TRAPPC8: variants seen among roughly 807,000 people sequenced by gnomAD.
The protein encoded by TRAPPC8 is general sporulation gene 1 homolog.
TRAPPC8 carries 54 observed loss-of-function variants against 174.3 expected under a neutral mutation model. That is an observed-to-expected ratio of 0.31 (90% CI 0.25 to 0.39). The LOEUF (loss-of-function observed/expected upper bound fraction) is 0.39. Ranked by LOEUF, TRAPPC8 falls within the 10% of genes least tolerant of loss-of-function variation. The probability of loss-of-function intolerance (pLI) is 1.00; values close to 1 mark genes in which losing one functional copy is unlikely to be tolerated. For synonymous variants in TRAPPC8, 630 were observed against 579.9 expected (o/e 1.09, Z -1.24); for missense variants, 1,531 against 1,699.1 (o/e 0.90, Z 1.74).
chr18:31,864,671 G>C lies in TRAPPC8; in HGVS notation c.2701C>G (p.Arg901Gly). 1 of 1,612,686 alleles carries C rather than the reference G, an allele frequency of 6.2e-7. No homozygotes were observed. The change falls in exon 19 of 29, where the codon CGA becomes GGA. Residue 901 changes from arginine to glycine, a missense_variant. Arg to Gly is a moderately radical substitution (Grantham distance 125). Transcript: ENST00000283351. Reference protein sequence around the residue: ...EKTSVKYGPDRRLDPIITEEM... With the variant: ...EKTSVKYGPDGRLDPIITEEM... ...TCTGTGATTATGGGATCTAAACGTC[G>C]ATCAGGGCCATATTTAACAGATGTT...
intron 20 of TRAPPC8, 40 bp downstream of exon 20, chr18:31,857,500 G>C: frequency 6.8e-7 from 1 of 1,472,620 alleles, no homozygotes; most frequent in South Asian, 1.4e-5. Context: ...CATATACATT[G>C]AACATAGATG....
chr18:31,902,713 G>A (rs2036486261), intron 9 of TRAPPC8, among the ~76,000 whole-genome samples: 1 of 152,048 alleles, frequency 6.6e-6, no homozygotes, highest in Non-Finnish European at 1.5e-5. Context: ...TGCACAGCTG[G>A]GGCTTTTCTC....
intron 2 of TRAPPC8, among the ~76,000 whole-genome samples, chr18:31,927,139 G>T (rs1007631028): frequency 2.4e-4 from 37 of 151,992 alleles, no homozygotes; most frequent in African/African-American, 8.9e-4. Flanking sequence ...GCAGGGTCTT[G>T]CTCTGTCACC....
intron 26 of TRAPPC8, among the ~76,000 whole-genome samples, chr18:31,843,566 A>G (rs997028658): frequency 5.9e-5 from 9 of 152,208 alleles, no homozygotes; most frequent in Non-Finnish European, 1.3e-4. Context: ...ATTTGTGTGC[A>G]AACTATTAGT....
Position 31,873,444 on chromosome 18 carries a change from C to T in TRAPPC8, c.2048G>A (p.Arg683Lys). The T allele has an allele frequency of 6.2e-7, 1 of 1,612,516 alleles. No individual in the cohort carries two copies. The highest frequency in any genetic ancestry group is 8.5e-7 in the Non-Finnish European group (1 of 1,179,284). The change falls in exon 14 of 29, where the codon AGA becomes AAA. Residue 683 changes from arginine (R) to lysine (K), a missense_variant. Arg to Lys is a conservative substitution (Grantham distance 26). Coordinates refer to ENST00000283351, the MANE Select transcript of TRAPPC8 (RefSeq NM_014939.5). ...SATRVFFGHD[R>K]RPADGEKQAA... ...ACTTTACTAACCATCCGCTGGTCGT[C>T]TGTCATGGCCAAAAAAAACCCGTGT... is the stretch of plus-strand genomic sequence containing the variant.
chr18:31,876,239 C>T (rs2035135748), intron 12 of TRAPPC8, among the ~76,000 whole-genome samples: 1 of 151,778 alleles, frequency 6.6e-6, no homozygotes, highest in African/African-American at 2.4e-5. Context: ...GCCTGTAATC[C>T]CAGCACTTTG....
intron 1 of TRAPPC8, among the ~76,000 whole-genome samples, chr18:31,933,084 G>A (rs1266460934): frequency 1.3e-5 from 2 of 149,272 alleles, no homozygotes; most frequent in Admixed American, 1.3e-4. Flanking sequence ...GGCAGATCAC[G>A]AGGTCAGGAG....
chr18:31,866,734 TCTTTA>T lies in TRAPPC8; in HGVS notation c.2590+110_2590+114del, dbSNP rs1208645906. The T allele has an allele frequency of 1.2e-5, 14 of 1,194,110 alleles. No homozygotes were observed. The African/African-American group carries it at 1.2e-4, about 11-fold the overall frequency. 74.0% of individuals were successfully genotyped at this position (1,194,110 alleles called of 1,614,324 possible). ...TGTCATTCTTACATCTGGCTAAATG[TCTTTA>T]CTTAACGATACATTAAACCTATTTA... is the stretch of plus-strand genomic sequence containing the variant. On this transcript the variant is annotated intron_variant, in intron 18 of 28. Transcript: ENST00000283351.
At chr18:31,863,698 C>A (rs2034444236) in intron 19 of TRAPPC8, among the ~76,000 whole-genome samples, 1 of 152,102 alleles carries the variant, frequency 6.6e-6, no homozygotes, top group Admixed American at 6.6e-5. Flanking sequence ...TTGTAAACCC[C>A]CTACTAGAAT....
chr18:31,866,171 C>A (rs889129868), intron 18 of TRAPPC8, among the ~76,000 whole-genome samples: 2 of 151,968 alleles, frequency 1.3e-5, no homozygotes, highest in African/African-American at 4.8e-5. Context: ...TTAAAATGAG[C>A]CAGAAGTAGG....
At chr18:31,895,709 T>A (rs974227990) in intron 11 of TRAPPC8, 1 of 152,220 alleles carries the variant, frequency 6.6e-6, no homozygotes, top group Non-Finnish European at 1.5e-5. Context: ...TCACTGATAA[T>A]CCTTAGGTTG....
At chr18:31,893,380 G>GGTGTGTGTGTGT (rs10660521) in intron 11 of TRAPPC8, among the ~76,000 whole-genome samples, 47 of 149,736 alleles carry the variant, frequency 3.1e-4, no homozygotes, top group African/African-American at 1.2e-3. Context: ...TTTGCTTCTA[G>GGTGTGTGTGTGT]GTGTGTGTGT....
intron 2 of TRAPPC8, among the ~76,000 whole-genome samples, chr18:31,923,638 A>C (rs1029242710): frequency 2.0e-5 from 3 of 152,160 alleles, no homozygotes; most frequent in Non-Finnish European, 4.4e-5. Flanking sequence ...CTGTTTAATG[A>C]AATTTTACTA....
intron 9 of TRAPPC8, among the ~76,000 whole-genome samples, chr18:31,902,801 G>C (rs1002663675): frequency 2.6e-5 from 4 of 152,098 alleles, no homozygotes; most frequent in South Asian, 2.1e-4. Flanking sequence ...CTGTAATCCA[G>C]CACTTTGGGA....
intron 12 of TRAPPC8, among the ~76,000 whole-genome samples, chr18:31,878,683 G>T (rs2035278914): frequency 6.6e-6 from 1 of 152,066 alleles, no homozygotes; most frequent in African/African-American, 2.4e-5. Flanking sequence ...TAGCTTAATT[G>T]TTCTACTCAA....
chr18:31,931,680 T>TGA (rs1217740810), intron 1 of TRAPPC8, among the ~76,000 whole-genome samples, 157 bp from the exon 2 acceptor site: 1 of 152,054 alleles, frequency 6.6e-6, no homozygotes, highest in Non-Finnish European at 1.5e-5. Flanking sequence ...GTTGACAACA[T>TGA]TCCCTCATAT....
intron 12 of TRAPPC8, among the ~76,000 whole-genome samples, chr18:31,888,707 A>G (rs985603461): frequency 4.6e-5 from 7 of 152,176 alleles, no homozygotes; most frequent in Non-Finnish European, 1.0e-4. Context: ...TGTAAGTGGG[A>G]GCTAAACAAT....
chr18:31,830,758 C>T lies in TRAPPC8; in HGVS notation c.4305G>A (p.Val1435=). ...SMPALIIISN[V] is the part of the protein sequence containing the mutation. ...TTCAGTACAAATTTCCAAGTTGTCA[C>T]ACATTACTGATGATGATCAGGGCAG... Residue 1435 remains valine (V), a synonymous_variant, in exon 29 of 29, where the codon GTG becomes GTA. Transcript: ENST00000283351. 2 of 1,610,330 alleles carry T rather than the reference C, an allele frequency of 1.2e-6. No homozygotes were observed. Among genetic ancestry groups the T allele is most frequent in the Non-Finnish European group, 1.7e-6 (2 of 1,177,444 alleles).
At chr18:31,896,125 G>A (rs1433159474) in intron 11 of TRAPPC8, 2 of 152,286 alleles carry the variant, frequency 1.3e-5, no homozygotes, top group East Asian at 1.9e-4. Context: ...TTGTATGAGA[G>A]AGAAGAACAG....
Sources: allele counts gnomAD v4.1 joint callset (sites outside exome capture counted in the v4.1 genomes callset), GRCh38; gene constraint gnomAD v4.1.1; transcripts MANE v1.5; gene names NCBI Gene and HGNC (gene_info 2026-07-23, HGNC 2026-07-21).